TTC32: variants seen among roughly 807,000 people sequenced by gnomAD.
TTC32 encodes the protein tetratricopeptide repeat protein 32.
Under a neutral mutation model 15.3 loss-of-function variants are expected in TTC32, and 16 were observed. That is an observed-to-expected ratio of 1.05 (90% CI 0.71 to 1.59). The LOEUF (loss-of-function observed/expected upper bound fraction) is 1.59, where lower values mean the gene tolerates loss of function less well. TTC32 is among the 40% of genes most tolerant of loss of function. TTC32 has a pLI of 0.00. For synonymous variants in TTC32, 89 were observed against 67.8 expected (o/e 1.31, Z -1.53); for missense variants, 188 against 181.9 (o/e 1.03, Z -0.19).
Position 19,901,806 on chromosome 2 carries a change from C to G in TTC32, c.49G>C (p.Ala17Pro), listed in dbSNP as rs770874088. Reference sequence around the variant, plus strand: ...GCGTACTCTCCATTGTTGAAATGAGCCTGGGCGAGTGTTAGGGTTGCGTGG... The same window carrying G: ...GCGTACTCTCCATTGTTGAAATGAGGCTGGGCGAGTGTTAGGGTTGCGTGG... ...ESHATLTLAQ[A>P]HFNNGEYAEA... is the part of the protein sequence containing the mutation. Residue 17 changes from alanine to proline, a missense_variant, in exon 1 of 3, where the codon GCT becomes CCT. Ala to Pro is a conservative substitution (Grantham distance 27). Coordinates refer to ENST00000333610, the MANE Select transcript of TTC32 (RefSeq NM_001008237.3). 1 of 1,614,060 alleles carries G rather than the reference C, an allele frequency of 6.2e-7. No individual in the cohort carries two copies. The highest frequency in any genetic ancestry group is 8.5e-7 in the Non-Finnish European group (1 of 1,180,020).
Position 19,897,987 on chromosome 2 carries a change from T to C in TTC32, c.198A>G (p.Gln66=), listed in dbSNP as rs74857316. The part of the protein sequence containing the change: ...DLATAYNNRG[Q]IKYFRVDFYE... ...AAAAATCAACCCTGAAGTACTTGAT[T>C]TGCCCCCTGTTGTTATATGCAGTAG... The change falls in exon 2 of 3, where the codon CAA becomes CAG. Residue 66 remains glutamine, a synonymous_variant. Coordinates refer to ENST00000333610, the MANE Select transcript of TTC32 (RefSeq NM_001008237.3). 261 of 1,608,188 alleles carry C rather than the reference T, an allele frequency of 1.6e-4. 1 individual carries two copies. The East Asian group carries it at 5.5e-3, about 34-fold the overall frequency.
At chr2:19,900,725 G>A (rs113279194) in intron 1 of TTC32, among the ~76,000 whole-genome samples, 1 of 152,178 alleles carries the variant, frequency 6.6e-6, no homozygotes, top group Non-Finnish European at 1.5e-5. Context: ...TCAGCGAATC[G>A]TTATGTGCTT....
chr2:19,901,226 A>C, intron 1 of TTC32: 1 of 335,298 alleles, frequency 3.0e-6, no homozygotes, highest in Non-Finnish European at 5.9e-6. Context: ...ACAAGTGAAA[A>C]ACACCACCAA....
intron 1 of TTC32, chr2:19,901,426 C>A: frequency 4.9e-6 from 2 of 407,942 alleles, no homozygotes. Context: ...GGCGGCGGCC[C>A]GCGCCCGAGG....
Position 19,901,893 on chromosome 2 carries a change from G to A in TTC32, c.-39C>T. 1 of 1,612,174 alleles carries A rather than the reference G, an allele frequency of 6.2e-7. No homozygotes were observed. Among genetic ancestry groups the A allele is most frequent in the Non-Finnish European group, 8.5e-7 (1 of 1,178,950 alleles). On this transcript the variant is annotated 5_prime_UTR_variant, in exon 1 of 3. Coordinates refer to ENST00000333610, the MANE Select transcript of TTC32 (RefSeq NM_001008237.3). ...TAGTTTTCGGTGTAGAATGGGGGTT[G>A]ACCTCCGAGCGGTTAGAGGTGGCAC... is the stretch of plus-strand genomic sequence containing the variant.
At position 19,898,027 on chromosome 2, in the gene TTC32, C is replaced by G. The variant is rs1225545415; in HGVS notation, c.158G>C (p.Ser53Thr). ...SSDESPGSKCSPEDLATAYNN... is the reference protein window; with the variant it reads ...SSDESPGSKCTPEDLATAYNN... Reference sequence around the variant, plus strand: ...ATATGCAGTAGCCAAATCCTCAGGGCTGCATTTGCTTTAAACAAAAAGTTC... The same window carrying G: ...ATATGCAGTAGCCAAATCCTCAGGGGTGCATTTGCTTTAAACAAAAAGTTC... Residue 53 changes from serine to threonine, a missense_variant, in exon 2 of 3, where the codon AGC becomes ACC. Physicochemically the swap from Ser to Thr is moderately conservative, Grantham distance 58 (BLOSUM62 1). Coordinates refer to ENST00000333610, the MANE Select transcript of TTC32 (RefSeq NM_001008237.3). The G allele has an allele frequency of 6.6e-7, 1 of 1,525,908 alleles. No individual in the cohort carries two copies. Among genetic ancestry groups the G allele is most frequent in the African/African-American group, 1.4e-5 (1 of 72,376 alleles). 94.5% of individuals were successfully genotyped at this position (1,525,908 alleles called of 1,614,324 possible).
chr2:19,897,828 T>C, intron 2 of TTC32, 41 bp downstream of exon 2: 1 of 1,408,790 alleles, frequency 7.1e-7, no homozygotes, highest in Non-Finnish European at 9.5e-7. Flanking sequence ...AATAACAGAA[T>C]ACAGTCAATG....
At chr2:19,898,058 A>G in intron 1 of TTC32, 23 bp from the exon 2 acceptor site, 1 of 1,471,576 alleles carries the variant, frequency 6.8e-7, no homozygotes, top group South Asian at 1.4e-5. Context: ...AGTTCACATT[A>G]AAAACACCGT....
rs186073550 is a variant in TTC32, at chr2:19,901,958, C to T, written c.-104G>A. On this transcript the variant is annotated 5_prime_UTR_variant, in exon 1 of 3. Transcript: ENST00000333610. ...CACACCCTGGAATCTACCTTGACAG[C>T]CAACCTTGGCGCTAGGTTTGTGCCT... is the stretch of plus-strand genomic sequence containing the variant. 3.4e-5 allele frequency: 48 copies of T among 1,402,010 alleles called. No individual in the cohort carries two copies. In the Admixed American group the frequency reaches 9.2e-4, roughly 27 times the overall value. The allele number at this position is 1,402,010 out of a possible 1,614,324, so 86.8% of individuals were successfully genotyped here.
At chr2:19,897,190 G>T in intron 2 of TTC32, 64 bp from the exon 3 acceptor site, 2 of 1,507,474 alleles carry the variant, frequency 1.3e-6, no homozygotes, top group Non-Finnish European at 8.9e-7. Context: ...TATTATTCAT[G>T]GAAAAGCTTT....
intron 1 of TTC32, 155 bp downstream of exon 1, chr2:19,901,551 G>A (rs780966598): frequency 1.2e-5 from 13 of 1,050,578 alleles, no homozygotes; most frequent in Non-Finnish European, 1.7e-5. Flanking sequence ...CCTCGCCTAG[G>A]CCTTTCTAGA....
Position 19,896,881 on chromosome 2 carries a change from G to A in TTC32, c.*106C>T. On this transcript the variant is annotated 3_prime_UTR_variant, in exon 3 of 3. Coordinates refer to ENST00000333610, the MANE Select transcript of TTC32 (RefSeq NM_001008237.3). ...ACACTATTTAACTTTCAGTGCTAAT[G>A]TATTAATTTCTTAAATATAAATCAA... The A allele has an allele frequency of 9.2e-7, 1 of 1,089,898 alleles. No individual in the cohort carries two copies. The highest frequency in any genetic ancestry group is 1.3e-6 in the Non-Finnish European group (1 of 792,628). The allele number at this position is 1,089,898 out of a possible 1,614,324, so 67.5% of individuals were successfully genotyped here.
At chr2:19,900,092 T>C (rs1192081713) in intron 1 of TTC32, among the ~76,000 whole-genome samples, 1 of 152,240 alleles carries the variant, frequency 6.6e-6, no homozygotes, top group Non-Finnish European at 1.5e-5. Context: ...GTCTTTCCTG[T>C]GCTGGTAAGG....
At position 19,897,879 on chromosome 2, in the gene TTC32, C is replaced by A. The variant is rs754692107; in HGVS notation, c.306G>T (p.Leu102=). The A allele has an allele frequency of 3.1e-6, 5 of 1,592,062 alleles. No homozygotes were observed. The change falls in exon 2 of 3, where the codon CTG becomes CTT. Residue 102 remains leucine, a synonymous_variant. Transcript: ENST00000333610. ...EVPYYNRGLI[L]YRLGYFDDAL... ...AAAAAAAATTCTTACCCAGCCTATA[C>A]AGTATCAACCCTCTGTTGTAATATG...
At chr2:19,901,451 T>G (rs1669601441) in intron 1 of TTC32, 2 of 365,290 alleles carry the variant, frequency 5.5e-6, no homozygotes, top group Non-Finnish European at 8.9e-6. Flanking sequence ...CGCAGAGGGC[T>G]TGGTTCCCGG....
In TTC32 at chr2:19,901,800, A is replaced by C; in HGVS notation, c.55T>G (p.Phe19Val). Reference sequence around the variant, plus strand: ...GCCTCCGCGTACTCTCCATTGTTGAAATGAGCCTGGGCGAGTGTTAGGGTT... The same window carrying C: ...GCCTCCGCGTACTCTCCATTGTTGACATGAGCCTGGGCGAGTGTTAGGGTT... ...HATLTLAQAHFNNGEYAEAEA... is the reference protein window; with the variant it reads ...HATLTLAQAHVNNGEYAEAEA... The change falls in exon 1 of 3, where the codon TTC becomes GTC. Residue 19 changes from phenylalanine to valine, a missense_variant. Transcript: ENST00000333610. 5 of 1,614,120 alleles carry C rather than the reference A, an allele frequency of 3.1e-6. No individual in the cohort carries two copies. The highest frequency in any genetic ancestry group is 4.2e-6 in the Non-Finnish European group (5 of 1,179,974).
rs1387910469 is a variant in TTC32 at position 19,896,947 on chromosome 2, G to A, written c.*40C>T. The A allele has an allele frequency of 6.6e-7, 1 of 1,508,934 alleles. No homozygotes were observed. The highest frequency in any genetic ancestry group is 9.0e-7 in the Non-Finnish European group (1 of 1,113,022). The allele number at this position is 1,508,934 out of a possible 1,614,324, so 93.5% of individuals were successfully genotyped here. A position where few individuals can be genotyped will look rare whatever the true frequency, so the allele number is the denominator to read the frequency against. ...AAATTACTGATAACTAGATGCAGAT[G>A]TAAGGATCATGAATCAATACTTCCA... On this transcript the variant is annotated 3_prime_UTR_variant, in exon 3 of 3. Coordinates refer to ENST00000333610, the MANE Select transcript of TTC32 (RefSeq NM_001008237.3).
At position 19,897,058 on chromosome 2, in the gene TTC32, T is replaced by G; in HGVS notation, c.385A>C (p.Thr129Pro). Reference protein sequence around the residue: ...LDLNPGFQDATLSLKQTILDK... With the variant: ...LDLNPGFQDAPLSLKQTILDK... ...AGAATAGTCTGTTTTAAGCTCAAAG[T>G]AGCATCTTGAAATCCAGGATTTAAG... Residue 129 changes from threonine (T) to proline (P), a missense_variant, in exon 3 of 3, where the codon ACT (threonine) becomes CCT (proline). Coordinates refer to ENST00000333610, the MANE Select transcript of TTC32 (RefSeq NM_001008237.3). The G allele has an allele frequency of 2.5e-6, 4 of 1,609,154 alleles. No homozygotes were observed. The highest frequency in any genetic ancestry group is 3.4e-6 in the Non-Finnish European group (4 of 1,177,952).
chr2:19,897,119 A>C lies in TTC32; in HGVS notation c.324T>G (p.Phe108Leu). The C allele has an allele frequency of 6.3e-7, 1 of 1,595,846 alleles. No individual in the cohort carries two copies. Among genetic ancestry groups the C allele is most frequent in the Non-Finnish European group, 8.5e-7 (1 of 1,174,364 alleles). ...TCTTGAAATCTTCCAAAGCATCATC[A>C]AAATATCCTGTACCAGAACCCAAAA... ...RGLILYRLGY[F>L]DDALEDFKKV... The change falls in exon 3 of 3, where the codon TTT (phenylalanine) becomes TTG (leucine). Residue 108 changes from phenylalanine to leucine, a missense_variant. Physicochemically the swap from Phe to Leu is conservative, Grantham distance 22. Transcript: ENST00000333610.
Sources: gnomAD v4.1 joint callset for allele counts (sites outside exome capture counted in the v4.1 genomes callset) on GRCh38, gnomAD v4.1.1 for gene constraint, MANE v1.5 for transcripts, NCBI Gene and HGNC (gene_info 2026-07-23, HGNC 2026-07-21) for gene names.